The following GPC6 variants were observed in gnomAD, a reference collection of about 807,000 sequenced individuals.
The protein encoded by GPC6 is glypican 6.
Under a neutral mutation model 55.2 loss-of-function variants are expected in GPC6, and 14 were observed. That is an observed-to-expected ratio of 0.25 (90% CI 0.17 to 0.40). GPC6 has a LOEUF of 0.40. GPC6 is among the 10% of genes least tolerant of loss of function. The pLI is 1.00. For missense variants in GPC6, 641 were observed against 708.5 expected (o/e 0.90, Z 1.08); for synonymous variants, 278 against 259.6 (o/e 1.07, Z -0.68).
Position 93,697,914 on chromosome 13 carries a change from G to A in GPC6, c.320-132240G>A, listed in dbSNP as rs368999946. Among the ~76,000 whole-genome samples the A allele has an allele frequency of 4.9e-4, 74 of 152,202 alleles. 1 individual carries two copies. In the South Asian group the frequency reaches 0.015, roughly 31 times the overall value. ...ATTTATTTTATGATTATCATGTGCT[G>A]CTTTTATTTCCCATGGAACTTCCAA... On this transcript the variant is annotated intron_variant, in intron 2 of 8. Transcript: ENST00000377047.
chr13:93,498,447 TCCC>T (rs975646888), intron 1 of GPC6, among the ~76,000 whole-genome samples: 7 of 152,188 alleles, frequency 4.6e-5, no homozygotes, highest in African/African-American at 1.7e-4. Context: ...TTTGGCTGTG[TCCC>T]CACCCAAATC....
intron 1 of GPC6, among the ~76,000 whole-genome samples, chr13:93,383,074 G>T (rs1449323743): frequency 6.6e-6 from 1 of 152,194 alleles, no homozygotes; most frequent in African/African-American, 2.4e-5. Context: ...GGGAAAGGCT[G>T]CTATGATCAA....
At chr13:93,264,746 A>G (rs1877266777) in intron 1 of GPC6, among the ~76,000 whole-genome samples, 1 of 152,132 alleles carries the variant, frequency 6.6e-6, no homozygotes, top group Non-Finnish European at 1.5e-5. Flanking sequence ...TACCTAATAC[A>G]GTGTAAATGC....
chr13:93,756,023 A>T (rs182795405), intron 2 of GPC6, among the ~76,000 whole-genome samples: 1 of 152,278 alleles, frequency 6.6e-6, no homozygotes, highest in Admixed American at 6.5e-5. Flanking sequence ...GGAGAAAAAT[A>T]GCTTACATTT....
intron 4 of GPC6, among the ~76,000 whole-genome samples, chr13:94,170,386 G>A (rs1443638961): frequency 6.6e-6 from 1 of 152,134 alleles, no homozygotes; most frequent in East Asian, 1.9e-4. Context: ...GCCTCCGAAG[G>A]GTGCCAGAGG....
chr13:94,363,215 ATTTG>A (rs558230914), intron 6 of GPC6, among the ~76,000 whole-genome samples: 15 of 152,246 alleles, frequency 9.9e-5, no homozygotes, highest in Non-Finnish European at 2.2e-4. Flanking sequence ...ATGATATATG[ATTTG>A]TTTACTTTTC....
chr13:93,461,684 T>C (rs931931465), intron 1 of GPC6, among the ~76,000 whole-genome samples: 3 of 151,708 alleles, frequency 2.0e-5, no homozygotes, highest in African/African-American at 7.3e-5. Flanking sequence ...GGGGGGGGTG[T>C]TGATGATTTG....
intron 3 of GPC6, among the ~76,000 whole-genome samples, chr13:93,866,720 G>A (rs1021012004): frequency 6.6e-6 from 1 of 151,674 alleles, no homozygotes; most frequent in Non-Finnish European, 1.5e-5. Context: ...GACTTTTGGA[G>A]TGTGAAGAGT....
At chr13:94,047,320 G>A (rs1883768150) in intron 4 of GPC6, among the ~76,000 whole-genome samples, 1 of 151,968 alleles carries the variant, frequency 6.6e-6, no homozygotes, top group Non-Finnish European at 1.5e-5. Context: ...GGGAGAAAGG[G>A]GGATCTCAGC....
intron 4 of GPC6, among the ~76,000 whole-genome samples, chr13:94,145,135 G>GTGT (rs1384886480): frequency 3.6e-5 from 4 of 111,982 alleles, no homozygotes; most frequent in African/African-American, 1.4e-4. Flanking sequence ...CTGGATGGAT[G>GTGT]GGTGGATGGA....
At chr13:93,594,021 A>G (rs2139512285) in intron 2 of GPC6, among the ~76,000 whole-genome samples, 1 of 152,290 alleles carries the variant, frequency 6.6e-6, no homozygotes, top group East Asian at 1.9e-4. Context: ...ATGTGTTCAC[A>G]TCTGTATTGG....
intron 3 of GPC6, among the ~76,000 whole-genome samples, chr13:93,954,397 C>G (rs965323228): frequency 6.6e-6 from 1 of 152,104 alleles, no homozygotes; most frequent in Non-Finnish European, 1.5e-5. Context: ...TCCATGCAAC[C>G]TCTGTCTTCC....
At chr13:93,990,363 A>T (rs956286412) in intron 3 of GPC6, among the ~76,000 whole-genome samples, 1 of 152,066 alleles carries the variant, frequency 6.6e-6, no homozygotes, top group Admixed American at 6.6e-5. Flanking sequence ...TTGATGAAAC[A>T]CTGTGACTTT....
At chr13:93,476,537 C>T (rs968613895) in intron 1 of GPC6, among the ~76,000 whole-genome samples, 3 of 152,108 alleles carry the variant, frequency 2.0e-5, no homozygotes, top group Admixed American at 1.3e-4. Context: ...AAAATGTATC[C>T]ATAAGTTTTT....
chr13:94,053,390 C>A (rs1009103781), intron 4 of GPC6, among the ~76,000 whole-genome samples: 1 of 152,156 alleles, frequency 6.6e-6, no homozygotes, highest in Non-Finnish European at 1.5e-5. Flanking sequence ...GGGTTGTCAC[C>A]TTCCACATGA....
chr13:93,401,996 C>T (rs1000131731), intron 1 of GPC6, among the ~76,000 whole-genome samples: 1 of 152,004 alleles, frequency 6.6e-6, no homozygotes, highest in African/African-American at 2.4e-5. Context: ...TTGAGAAAGG[C>T]GAGCATTATC....
rs187085690 is a variant in GPC6, at chr13:93,312,712, A to G, written c.160+85096A>G. On this transcript the variant is annotated intron_variant, in intron 1 of 8. Coordinates refer to ENST00000377047, the MANE Select transcript of GPC6 (RefSeq NM_005708.5). ...AATAGCATGGCCAATTAAATGAAGA[A>G]TAATTGGTTTAGTTGAGCACCTTGC... 3.3e-5 allele frequency among the ~76,000 whole-genome samples: 5 copies of G among 152,286 alleles called. No homozygotes were observed. The East Asian group carries it at 9.7e-4, about 29-fold the overall frequency.
chr13:93,234,505 G>C (rs1388705731), intron 1 of GPC6, among the ~76,000 whole-genome samples: 4 of 152,130 alleles, frequency 2.6e-5, no homozygotes, highest in African/African-American at 9.7e-5. Flanking sequence ...AAAGGATTGA[G>C]GGGAAAAAAC....
intron 1 of GPC6, among the ~76,000 whole-genome samples, chr13:93,402,286 C>T (rs944224886): frequency 6.6e-6 from 1 of 152,080 alleles, no homozygotes; most frequent in African/African-American, 2.4e-5. Context: ...ATTAATTCTC[C>T]AAGTGCCGAG....
Sources: gnomAD v4.1 joint callset for allele counts (sites outside exome capture counted in the v4.1 genomes callset) on GRCh38, gnomAD v4.1.1 for gene constraint, MANE v1.5 for transcripts, NCBI Gene and HGNC (gene_info 2026-07-23, HGNC 2026-07-21) for gene names.